RILPL1: variants seen among roughly 807,000 people sequenced by gnomAD.
RILPL1 encodes the protein Rab interacting lysosomal protein like 1.
Under a neutral mutation model 50.3 loss-of-function variants are expected in RILPL1, and 33 were observed. The ratio of observed to expected loss-of-function variants is 0.66; its 90% confidence interval spans 0.50 to 0.88. The LOEUF is 0.88. Ranked by LOEUF, RILPL1 falls within the 40% of genes least tolerant of loss-of-function variation. The probability of loss-of-function intolerance (pLI) is 0.00; values close to 1 mark genes in which losing one functional copy is unlikely to be tolerated. For synonymous variants in RILPL1, 205 were observed against 228.6 expected (o/e 0.90, Z 0.93); for missense variants, 418 against 542.5 (o/e 0.77, Z 2.28).
chr12:123,479,508 A>AT (rs1441338752), intron 6 of RILPL1, among the ~76,000 whole-genome samples: 1 of 152,130 alleles, frequency 6.6e-6, no homozygotes, highest in Admixed American at 6.5e-5. Context: ...AGAAACTGTC[A>AT]TTCCCTGCGC....
intron 4 of RILPL1, among the ~76,000 whole-genome samples, chr12:123,495,940 C>T (rs1469176245): frequency 6.6e-6 from 1 of 151,918 alleles, no homozygotes; most frequent in Non-Finnish European, 1.5e-5. Flanking sequence ...CTTGGCCTCC[C>T]AACTCTTAAA....
At chr12:123,481,703 T>A (rs1882013599) in intron 6 of RILPL1, among the ~76,000 whole-genome samples, 1 of 151,564 alleles carries the variant, frequency 6.6e-6, no homozygotes, top group South Asian at 2.1e-4. Flanking sequence ...ATTACAGGTG[T>A]GTGCCACCAC....
intron 2 of RILPL1, among the ~76,000 whole-genome samples, chr12:123,521,961 G>A (rs1263406354): frequency 1.3e-5 from 2 of 151,846 alleles, no homozygotes; most frequent in Admixed American, 1.3e-4. Flanking sequence ...TTTTCGTAGA[G>A]ACGGGGTTTC....
intron 2 of RILPL1, among the ~76,000 whole-genome samples, chr12:123,500,853 C>T (rs1038942224): frequency 1.3e-5 from 2 of 151,904 alleles, no homozygotes; most frequent in African/African-American, 4.8e-5. Context: ...GCCTGTAATG[C>T]CAGCACTTTG....
intron 3 of RILPL1, 148 bp downstream of exon 3, chr12:123,499,270 C>T (rs1883217838): frequency 3.3e-6 from 2 of 610,602 alleles, no homozygotes; most frequent in Admixed American, 2.8e-5. Flanking sequence ...CCAGGCTGGG[C>T]CCGCCAAGCC....
At chr12:123,506,591 G>T (rs1170001878) in intron 2 of RILPL1, among the ~76,000 whole-genome samples, 1 of 152,174 alleles carries the variant, frequency 6.6e-6, no homozygotes, top group East Asian at 1.9e-4. Context: ...AGGGCACCAA[G>T]GCACTGGGAG....
Position 123,515,798 on chromosome 12 carries a change from G to C in RILPL1, c.460+7697C>G, listed in dbSNP as rs189775349. On this transcript the variant is annotated intron_variant, in intron 2 of 6. Coordinates refer to ENST00000376874, the MANE Select transcript of RILPL1 (RefSeq NM_178314.5). ...GCCTGTAATCCCAGCACTTTGGGAG[G>C]GTTAGGGGGGCAGATCACCTGAGGT... Among the ~76,000 whole-genome samples, 142 of 151,310 alleles carry C rather than the reference G, an allele frequency of 9.4e-4. 3 individuals carry two copies. The East Asian group carries it at 0.023, about 24-fold the overall frequency.
chr12:123,524,818 G>C (rs1400352879), intron 1 of RILPL1, among the ~76,000 whole-genome samples: 1 of 152,166 alleles, frequency 6.6e-6, no homozygotes, highest in Admixed American at 6.5e-5. Flanking sequence ...AGTTTCTTTT[G>C]GGGGGTGATG....
At chr12:123,523,986 G>C (rs1885161839) in intron 1 of RILPL1, among the ~76,000 whole-genome samples, 2 of 152,218 alleles carry the variant, frequency 1.3e-5, no homozygotes, top group South Asian at 4.1e-4. Flanking sequence ...TAACCTCTGG[G>C]GGGCACACCC....
chr12:123,512,373 G>A (rs1593587144), intron 2 of RILPL1, among the ~76,000 whole-genome samples: 1 of 140,210 alleles, frequency 7.1e-6, no homozygotes, highest in African/African-American at 2.7e-5. Context: ...TGTGTGTGGT[G>A]TGTCTGAGGT....
chr12:123,511,337 TA>T (rs1884172390), intron 2 of RILPL1, among the ~76,000 whole-genome samples: 1 of 145,550 alleles, frequency 6.9e-6, no homozygotes, highest in African/African-American at 2.5e-5. Context: ...GGTCTGTGTG[TA>T]GTGTCAATGT....
chr12:123,483,440 G>A (rs774949636), intron 6 of RILPL1, among the ~76,000 whole-genome samples: 3 of 152,216 alleles, frequency 2.0e-5, no homozygotes, highest in Non-Finnish European at 4.4e-5. Flanking sequence ...GACCCAGCAC[G>A]TGTTAGCTTC....
At chr12:123,502,755 C>T (rs1025929389) in intron 2 of RILPL1, among the ~76,000 whole-genome samples, 3 of 152,198 alleles carry the variant, frequency 2.0e-5, no homozygotes, top group Non-Finnish European at 2.9e-5. Context: ...AACAAATGAC[C>T]AATAATTGTG....
chr12:123,518,467 A>C, intron 2 of RILPL1: 1 of 230,792 alleles, frequency 4.3e-6, no homozygotes. Context: ...TAATTGCGCC[A>C]CTGCACTCCA....
Position 123,472,545 on chromosome 12 carries a change from T to A in RILPL1, c.1205A>T (p.His402Leu). Residue 402 changes from histidine (H) to leucine (L), a missense_variant, in exon 7 of 7, where the codon CAT (histidine) becomes CTT (leucine). By Grantham distance (99) the His-to-Leu change is moderately conservative. Coordinates refer to ENST00000376874, the MANE Select transcript of RILPL1 (RefSeq NM_178314.5). ...YTEQGQEALQ[H>L]L ...GGTGGAGATGGGCCAAGGTCACAGA[T>A]GCTGCAGGGCTTCCTGTCCTTGCTC... 1.9e-6 allele frequency: 3 copies of A among 1,551,432 alleles called. No homozygotes were observed. The highest frequency in any genetic ancestry group is 2.6e-6 in the Non-Finnish European group (3 of 1,147,124).
chr12:123,500,098 A>T (rs1249924762), intron 2 of RILPL1, among the ~76,000 whole-genome samples: 4 of 151,354 alleles, frequency 2.6e-5, no homozygotes, highest in Admixed American at 6.6e-5. Context: ...GCCCGGCTAA[A>T]TTTTTGTATT....
chr12:123,512,348 CTGTATGTGTGTGTGTGTGTGTGGTG>C (rs1884366029), intron 2 of RILPL1, among the ~76,000 whole-genome samples: 1 of 91,578 alleles, frequency 1.1e-5, no homozygotes, highest in Non-Finnish European at 2.0e-5. Flanking sequence ...TGTGTGAGGT[CTGTATGTGTGTGTGTGTGTGTGGTG>C]TGTCTGAGGT....
chr12:123,502,245 T>C (rs1593567271), intron 2 of RILPL1, among the ~76,000 whole-genome samples: 1 of 152,352 alleles, frequency 6.6e-6, no homozygotes, highest in East Asian at 1.9e-4. Context: ...ATATTAATAA[T>C]TATACTTGGC....
chr12:123,516,827 G>A (rs771006272), intron 2 of RILPL1, among the ~76,000 whole-genome samples: 19 of 152,188 alleles, frequency 1.2e-4, no homozygotes, highest in Non-Finnish European at 2.2e-4. Flanking sequence ...TTGGGAGACT[G>A]AGGCAGGCAG....
Sources: gnomAD v4.1 joint callset for allele counts (sites outside exome capture counted in the v4.1 genomes callset) on GRCh38, gnomAD v4.1.1 for gene constraint, MANE v1.5 for transcripts, NCBI Gene and HGNC (gene_info 2026-07-23, HGNC 2026-07-21) for gene names.